OR2L13: variants seen among roughly 807,000 people sequenced by gnomAD.
OR2L13 encodes olfactory receptor family 2 subfamily L member 13.
OR2L13 carries 14 observed loss-of-function variants against 15.3 expected under a neutral mutation model. That is an observed-to-expected ratio of 0.91 (90% CI 0.60 to 1.43). OR2L13 has a LOEUF of 1.43. OR2L13 is among the 40% of genes most tolerant of loss of function. The probability of loss-of-function intolerance (pLI) is 0.00; values close to 1 mark genes in which losing one functional copy is unlikely to be tolerated. For synonymous variants in OR2L13, 152 were observed against 142.9 expected (o/e 1.06, Z -0.45); for missense variants, 367 against 387.9 (o/e 0.95, Z 0.45).
At chr1:247,971,641 T>A in the OR2L13 span, among the ~76,000 whole-genome samples, 2 of 151,906 alleles carry the variant, frequency 1.3e-5, no homozygotes, top group Non-Finnish European at 2.9e-5. Flanking sequence ...TGCATATGGC[T>A]AGACTTAAAC....
At chr1:247,965,120 G>T in the OR2L13 span, 1 of 362,098 alleles carries the variant, frequency 2.8e-6, no homozygotes, top group Non-Finnish European at 4.9e-6. Flanking sequence ...ATGTATGTTT[G>T]CATATATAAT....
chr1:248,035,685 A>G, the OR2L13 span: 2 of 152,182 alleles, frequency 1.3e-5, no homozygotes, highest in South Asian at 4.1e-4. Flanking sequence ...TTTTCAAACA[A>G]TATGCTTATC....
the OR2L13 span, chr1:247,975,263 C>T: frequency 2.3e-6 from 1 of 438,514 alleles, no homozygotes; most frequent in Non-Finnish European, 4.6e-6. Context: ...TGTGATGTCC[C>T]AGCCATGGTG....
At chr1:248,003,653 C>A in the OR2L13 span, 5 of 1,611,790 alleles carry the variant, frequency 3.1e-6, no homozygotes, top group South Asian at 3.3e-5. Flanking sequence ...GGTTATCAAT[C>A]ATTTCTTCTG....
At chr1:247,955,111 A>G in the OR2L13 span, among the ~76,000 whole-genome samples, 6 of 109,642 alleles carry the variant, frequency 5.5e-5, no homozygotes, top group African/African-American at 2.3e-4. Flanking sequence ...CCCCCACCCC[A>G]CAGCAGGCCC....
the OR2L13 span, among the ~76,000 whole-genome samples, chr1:248,069,646 G>T: frequency 5.9e-5 from 9 of 152,112 alleles, no homozygotes; most frequent in Non-Finnish European, 8.8e-5. Context: ...AATGTAAATG[G>T]ACTAAATGCT....
the OR2L13 span, among the ~76,000 whole-genome samples, chr1:247,974,309 C>A: frequency 6.6e-6 from 1 of 151,970 alleles, no homozygotes; most frequent in Non-Finnish European, 1.5e-5. Flanking sequence ...GGACAAATAC[C>A]TAATGCATGC....
chr1:248,060,918 G>A, the OR2L13 span: 1 of 1,613,788 alleles, frequency 6.2e-7, no homozygotes, highest in Non-Finnish European at 8.5e-7. Flanking sequence ...TTGTTCCTAA[G>A]ATGGCATCTG....
chr1:248,078,716 A>G, the OR2L13 span, among the ~76,000 whole-genome samples: 4 of 152,126 alleles, frequency 2.6e-5, no homozygotes, highest in African/African-American at 7.2e-5. Context: ...TCTGTAAACA[A>G]CACAAATGTT....
the OR2L13 span, among the ~76,000 whole-genome samples, chr1:247,941,668 G>C: frequency 6.6e-6 from 1 of 151,296 alleles, no homozygotes; most frequent in Non-Finnish European, 1.5e-5. Flanking sequence ...ACCTTGTCAT[G>C]AAAGAGAGAG....
the OR2L13 span, among the ~76,000 whole-genome samples, chr1:248,074,088 T>C: frequency 6.6e-6 from 1 of 152,130 alleles, no homozygotes; most frequent in Non-Finnish European, 1.5e-5. Context: ...TACACATGTT[T>C]GACAAAATAC....
the OR2L13 span, among the ~76,000 whole-genome samples, chr1:247,993,883 A>G: frequency 6.6e-6 from 1 of 151,834 alleles, no homozygotes; most frequent in Non-Finnish European, 1.5e-5. Flanking sequence ...ATGCATTGGT[A>G]CCTGTGGGAC....
At chr1:248,038,814 A>G in the OR2L13 span, 2 of 1,614,186 alleles carry the variant, frequency 1.2e-6, no homozygotes, top group Non-Finnish European at 1.7e-6. Context: ...TGTTCCAGCT[A>G]TGTTGACGCT....
the OR2L13 span, among the ~76,000 whole-genome samples, chr1:248,007,423 G>A: frequency 6.6e-6 from 1 of 152,192 alleles, no homozygotes; most frequent in Non-Finnish European, 1.5e-5. Flanking sequence ...CTGACGTGGT[G>A]TCTGCACTCA....
At chr1:248,037,777 G>A in the OR2L13 span, among the ~76,000 whole-genome samples, 6 of 152,128 alleles carry the variant, frequency 3.9e-5, no homozygotes, top group Non-Finnish European at 7.4e-5. Context: ...GTAATCAAAT[G>A]CGGTCTGAAA....
upstream of OR2L13, among the ~76,000 whole-genome samples, chr1:248,090,534 C>A (rs963744693): frequency 6.6e-6 from 1 of 152,128 alleles, no homozygotes; most frequent in African/African-American, 2.4e-5. Flanking sequence ...TGAAAACATG[C>A]AGTTTTTGGC....
At chr1:248,028,580 C>G in the OR2L13 span, among the ~76,000 whole-genome samples, 4 of 152,258 alleles carry the variant, frequency 2.6e-5, no homozygotes, top group East Asian at 7.7e-4. Context: ...ATTTATATTT[C>G]TTATTCTAAT....
the OR2L13 span, among the ~76,000 whole-genome samples, chr1:248,006,243 A>ATGTGTGTG: frequency 0.023 from 3,213 of 139,566 alleles, 26 homozygotes; most frequent in Non-Finnish European, 0.031. Context: ...ATTGCAAGAT[A>ATGTGTGTG]TGTGTGTGTG....
chr1:248,015,907 G>C, the OR2L13 span, among the ~76,000 whole-genome samples: 4,791 of 152,108 alleles, frequency 0.031, 231 homozygotes, highest in African/African-American at 0.11. Flanking sequence ...AAAATATAGG[G>C]AAAATAAATC....
Sources: allele counts gnomAD v4.1 joint callset (sites outside exome capture counted in the v4.1 genomes callset), GRCh38; gene constraint gnomAD v4.1.1; transcripts MANE v1.5; gene names NCBI Gene and HGNC (gene_info 2026-07-23, HGNC 2026-07-21).